The following WDR88 variants were observed in gnomAD, a reference collection of about 807,000 sequenced individuals.
WDR88 encodes WD repeat domain 88.
In WDR88, 40 loss-of-function variants were observed where a neutral mutation model predicts 46.8. That is an observed-to-expected ratio of 0.86 (90% CI 0.66 to 1.11). The LOEUF (loss-of-function observed/expected upper bound fraction) is 1.11, where lower values mean the gene tolerates loss of function less well. Among genes scored for constraint, WDR88 ranks in the 50% most tolerant of loss-of-function variants. WDR88 has a pLI of 0.00. For synonymous variants in WDR88, 235 were observed against 240.7 expected (o/e 0.98, Z 0.22); for missense variants, 562 against 602.4 (o/e 0.93, Z 0.70).
At chr19:33,170,039 G>A (rs1974012557) in intron 9 of WDR88, among the ~76,000 whole-genome samples, 1 of 150,828 alleles carries the variant, frequency 6.6e-6, no homozygotes, top group Non-Finnish European at 1.5e-5. Context: ...CACCACGCCT[G>A]GCTAATTTTG....
At chr19:33,174,339 G>A in intron 10 of WDR88, 1 of 1,490,626 alleles carries the variant, frequency 6.7e-7, no homozygotes, top group Non-Finnish European at 8.9e-7. Context: ...GTGTCCTGGA[G>A]TGGGCAGAAC....
intron 9 of WDR88, among the ~76,000 whole-genome samples, chr19:33,171,352 A>G (rs2145425456): frequency 6.6e-6 from 1 of 152,336 alleles, no homozygotes; most frequent in South Asian, 2.1e-4. Context: ...ATGATTTGAC[A>G]AACCACTTGC....
At chr19:33,144,736 A>C in intron 2 of WDR88, 108 bp from the exon 3 acceptor site, 1 of 1,009,300 alleles carries the variant, frequency 9.9e-7, no homozygotes, top group South Asian at 1.4e-5. Flanking sequence ...TGGAGTTCTC[A>C]GATTTTGCTA....
At chr19:33,159,185 A>G (rs1340731083) in intron 7 of WDR88, among the ~76,000 whole-genome samples, 4 of 151,722 alleles carry the variant, frequency 2.6e-5, no homozygotes, top group Admixed American at 2.6e-4. Flanking sequence ...AAAAAAAAAA[A>G]TTTAGCCAGG....
intron 6 of WDR88, among the ~76,000 whole-genome samples, chr19:33,155,240 A>C (rs1295259289): frequency 1.3e-5 from 2 of 152,134 alleles, no homozygotes; most frequent in Non-Finnish European, 2.9e-5. Flanking sequence ...TCCTGGGTTC[A>C]AGTGATTCTC....
chr19:33,174,295 A>C, intron 10 of WDR88: 1 of 1,530,642 alleles, frequency 6.5e-7, no homozygotes, highest in East Asian at 2.5e-5. Flanking sequence ...GGCCTGCCCC[A>C]GGTAGGGTTT....
chr19:33,135,212 A>T (rs73926248), intron 1 of WDR88, among the ~76,000 whole-genome samples: 2,326 of 152,198 alleles, frequency 0.015, 62 homozygotes, highest in African/African-American at 0.053. Flanking sequence ...CCCAATACCC[A>T]TCCTGCCGAC....
Position 33,175,618 on chromosome 19 carries a change from T to A in WDR88, c.*46T>A. 1 of 1,609,342 alleles carries A rather than the reference T, an allele frequency of 6.2e-7. No individual in the cohort carries two copies. The highest frequency in any genetic ancestry group is 8.5e-7 in the Non-Finnish European group (1 of 1,177,486). ...TGACTCCAGCACAGGCTACCTAGCA[T>A]GTAGGTTTCGGGGCTTTGCAGGGGC... On this transcript the variant is annotated 3_prime_UTR_variant, in exon 11 of 11. Transcript: ENST00000355868.
In WDR88 at chr19:33,147,718, C is replaced by T. The variant is rs763078199; in HGVS notation, c.540+10C>T. On this transcript the variant is annotated intron_variant, in intron 4 of 10. Transcript: ENST00000355868. Reference sequence around the variant, plus strand: ...GACAGGCAAGCTGCTGGTACGTATGCCTGTCCAGTGGGGGCGTTGGTTGCA... The same window carrying T: ...GACAGGCAAGCTGCTGGTACGTATGTCTGTCCAGTGGGGGCGTTGGTTGCA... 8.7e-6 allele frequency: 14 copies of T among 1,613,508 alleles called. No homozygotes were observed. Among genetic ancestry groups the T allele is most frequent in the Non-Finnish European group, 1.1e-5 (13 of 1,179,656 alleles).
chr19:33,147,777 G>C (rs545218051), intron 4 of WDR88, 69 bp downstream of exon 4: 2 of 1,467,980 alleles, frequency 1.4e-6, no homozygotes, highest in African/African-American at 2.8e-5. Flanking sequence ...AGGCAGCTTT[G>C]GGTTGGACCC....
intron 4 of WDR88, 80 bp from the exon 5 acceptor site, chr19:33,148,692 G>T (rs1973569339): frequency 3.2e-6 from 5 of 1,568,254 alleles, no homozygotes; most frequent in Middle Eastern, 1.7e-4. Flanking sequence ...TCCAGCCTTG[G>T]CCTCCCAAAG....
At chr19:33,175,119 C>T (rs947264189) in intron 10 of WDR88, 4 of 695,374 alleles carry the variant, frequency 5.8e-6, no homozygotes, top group South Asian at 1.3e-4. Context: ...CCTGTAATCC[C>T]AGCTACTCGG....
intron 10 of WDR88, chr19:33,174,597 C>T (rs1974093654): frequency 8.1e-6 from 8 of 984,114 alleles, no homozygotes; most frequent in Non-Finnish European, 9.7e-6. Flanking sequence ...CACCTAGCAC[C>T]TGCATCAATC....
At chr19:33,148,622 A>G in intron 4 of WDR88, 150 bp from the exon 5 acceptor site, 1 of 930,834 alleles carries the variant, frequency 1.1e-6, no homozygotes, top group Admixed American at 2.3e-5. Flanking sequence ...TTACTTTTGT[A>G]GAGATGGAGA....
chr19:33,164,862 C>T (rs972062767), intron 9 of WDR88, among the ~76,000 whole-genome samples: 2 of 151,892 alleles, frequency 1.3e-5, no homozygotes, highest in Admixed American at 6.6e-5. Flanking sequence ...ATTTATTGTG[C>T]ACTTTATTAT....
Position 33,138,210 on chromosome 19 carries a change from T to G in WDR88, c.387+423T>G, listed in dbSNP as rs147297643. The stretch of plus-strand genomic sequence containing the variant: ...TGCCACCACACCCAGCTAATTTTGT[T>G]TTTTGTTTTTTTGTGTTTTTTAGTA... On this transcript the variant is annotated intron_variant, in intron 2 of 10. Coordinates refer to ENST00000355868, the MANE Select transcript of WDR88 (RefSeq NM_173479.4). Among the ~76,000 whole-genome samples the G allele has an allele frequency of 5.9e-5, 9 of 151,996 alleles. No individual in the cohort carries two copies. In the East Asian group the frequency reaches 1.5e-3, roughly 26 times the overall value.
chr19:33,172,827 C>CT (rs2043280274), intron 10 of WDR88, among the ~76,000 whole-genome samples: 2 of 151,956 alleles, frequency 1.3e-5, no homozygotes, highest in African/African-American at 4.8e-5. Flanking sequence ...CGGTGTTTCA[C>CT]GCCTGTAATC....
intron 8 of WDR88, among the ~76,000 whole-genome samples, chr19:33,161,968 TCTC>T (rs1473656224): frequency 6.6e-6 from 1 of 152,002 alleles, no homozygotes; most frequent in Non-Finnish European, 1.5e-5. Flanking sequence ...TTCTATTCTC[TCTC>T]CTCTTCTCTC....
chr19:33,144,960 A>AAG (rs768760460), intron 3 of WDR88, 28 bp downstream of exon 3: 2 of 1,604,988 alleles, frequency 1.2e-6, no homozygotes, highest in African/African-American at 2.7e-5. Context: ...TTACACTGGG[A>AAG]AGAGGGAGGG....
Sources: gnomAD v4.1 joint callset for allele counts (sites outside exome capture counted in the v4.1 genomes callset) on GRCh38, gnomAD v4.1.1 for gene constraint, MANE v1.5 for transcripts, NCBI Gene and HGNC (gene_info 2026-07-23, HGNC 2026-07-21) for gene names.